OBI1: variants seen among roughly 807,000 people sequenced by gnomAD.
OBI1 encodes ring finger protein 219.
Under a neutral mutation model 62.4 loss-of-function variants are expected in OBI1, and 59 were observed. The ratio of observed to expected loss-of-function variants is 0.95; its 90% CI spans 0.77 to 1.17. OBI1 has a LOEUF of 1.17. Ranked by LOEUF, OBI1 falls within the 50% of genes most tolerant of loss-of-function variation. The probability of loss-of-function intolerance (pLI) is 0.00; values close to 1 mark genes in which losing one functional copy is unlikely to be tolerated. For synonymous variants in OBI1, 302 were observed against 292.8 expected, an observed-to-expected ratio of 1.03 and a Z score of -0.32; for missense variants, 875 against 830.9, an observed-to-expected ratio of 1.05 and a Z score of -0.65.
intron 5 of OBI1, among the ~76,000 whole-genome samples, chr13:78,623,251 T>C (rs975594535): frequency 7.1e-6 from 1 of 141,316 alleles, no homozygotes; most frequent in Non-Finnish European, 1.5e-5. Context: ...TTAAATGAGA[T>C]ATACTGAAAG....
intron 5 of OBI1, among the ~76,000 whole-genome samples, chr13:78,630,966 A>G (rs7324337): frequency 0.37 from 56,080 of 152,010 alleles, 10,707 homozygotes; most frequent in African/African-American, 0.39. Flanking sequence ...CCTCTAAAAT[A>G]TCTTTCAACA....
chr13:78,659,141 C>G lies in OBI1; in HGVS notation c.-21G>C, dbSNP rs752449387. The G allele has an allele frequency of 1.9e-6, 3 of 1,607,452 alleles. No homozygotes were observed. In the South Asian group the frequency reaches 3.3e-5, roughly 18 times the overall value. On this transcript the variant is annotated 5_prime_UTR_variant, in exon 1 of 6. Transcript: ENST00000282003. ...GCCATGGCAGCGTTCAGAATCCCGC[C>G]AACACGGAAGTCCCGCCGACCTACC...
In OBI1 at chr13:78,616,911, C is replaced by T. The variant is rs754165917; in HGVS notation, c.850G>A (p.Gly284Ser). Residue 284 changes from glycine to serine, a missense_variant, in exon 6 of 6, where the codon GGC becomes AGC. By Grantham distance (56) the Gly-to-Ser change is moderately conservative. Coordinates refer to ENST00000282003, the MANE Select transcript of OBI1 (RefSeq NM_024546.4). The stretch of plus-strand genomic sequence containing the variant: ...TTTGACACCACATCCTCCTCACTGC[C>T]TTTGCTCCCTTTGCCATCTGCAGAA... ...ALSADGKGSK[G>S]SEEDVVSKNQ... 6.2e-7 allele frequency: 1 copy of T among 1,614,144 alleles called. No homozygotes were observed. Among genetic ancestry groups the T allele is most frequent in the Non-Finnish European group, 8.5e-7 (1 of 1,180,014 alleles).
At position 78,659,089 on chromosome 13, in the gene OBI1, G is replaced by A. The variant is rs777202971; in HGVS notation, c.32C>T (p.Ser11Leu). 8.7e-6 allele frequency: 14 copies of A among 1,612,568 alleles called. No individual in the cohort carries two copies. The highest frequency in any genetic ancestry group is 1.1e-5 in the Non-Finnish European group (13 of 1,179,706). ...GTGGCACGTGATGGGCAGAGTGAGC[G>A]ACAATGTAACATTCTGCACGGTCTG... Reference protein sequence around the residue: MAQTVQNVTLSLTLPITCHIC... With the variant: MAQTVQNVTLLLTLPITCHIC... Residue 11 changes from serine (S) to leucine (L), a missense_variant, in exon 1 of 6, where the codon TCG becomes TTG. Transcript: ENST00000282003.
intron 4 of OBI1, among the ~76,000 whole-genome samples, chr13:78,635,709 C>T (rs1339015690): frequency 6.6e-6 from 1 of 152,132 alleles, no homozygotes; most frequent in African/African-American, 2.4e-5. Flanking sequence ...AACGTTCTGG[C>T]TCACAACTTC....
intron 2 of OBI1, among the ~76,000 whole-genome samples, chr13:78,643,315 TA>T (rs907389390): frequency 6.6e-6 from 1 of 150,852 alleles, no homozygotes; most frequent in Non-Finnish European, 1.5e-5. Context: ...ATTCAGCAGG[TA>T]AAAAAAAACA....
At position 78,619,596 on chromosome 13, in the gene OBI1, T is replaced by C. The variant is rs116191491; in HGVS notation, c.639-2474A>G. ...TTTCAGTGATCAGGCCCTTCTCCCA[T>C]GCTAATAAGGGACCTGTGCTGGTTG... On this transcript the variant is annotated intron_variant, in intron 5 of 5. Transcript: ENST00000282003. 9.0e-3 allele frequency among the ~76,000 whole-genome samples: 1,371 copies of C among 152,228 alleles called. 22 individuals are homozygous for C. The highest frequency in any genetic ancestry group is 0.031 in the African/African-American group (1,271 of 41,540).
intron 1 of OBI1, among the ~76,000 whole-genome samples, chr13:78,651,286 C>T (rs1257720589): frequency 7.9e-5 from 12 of 152,170 alleles, no homozygotes; most frequent in Admixed American, 7.9e-4. Flanking sequence ...CATTTCAGTA[C>T]ATCTTTCACA....
chr13:78,644,000 G>T (rs534571945), intron 2 of OBI1, among the ~76,000 whole-genome samples: 1 of 151,924 alleles, frequency 6.6e-6, no homozygotes, highest in Non-Finnish European at 1.5e-5. Flanking sequence ...CTCTAAAAAG[G>T]CTCTTTAGAA....
intron 5 of OBI1, among the ~76,000 whole-genome samples, chr13:78,620,349 G>T (rs771862841): frequency 5.3e-5 from 8 of 152,142 alleles, no homozygotes; most frequent in Non-Finnish European, 1.0e-4. Context: ...AAGGCAAGCC[G>T]GAGGGATTTC....
Position 78,615,943 on chromosome 13 carries a change from T to A in OBI1, c.1818A>T (p.Glu606Asp). ...GGAGAAAAAAAGAAGTGGGTTTCCA[T>A]TCACTTCCATTTTCTAACTGATCAT... is the stretch of plus-strand genomic sequence containing the variant. ...LTNDQLENGSEWKPTSFFLLS... is the reference protein window; with the variant it reads ...LTNDQLENGSDWKPTSFFLLS... Residue 606 changes from glutamate (E) to aspartate (D), a missense_variant, in exon 6 of 6, where the codon GAA (glutamate) becomes GAT (aspartate). Physicochemically the swap from Glu to Asp is conservative, Grantham distance 45. Transcript: ENST00000282003. The A allele has an allele frequency of 6.2e-7, 1 of 1,613,682 alleles. No individual in the cohort carries two copies.
At chr13:78,640,028 A>C (rs943361287) in intron 3 of OBI1, among the ~76,000 whole-genome samples, 1 of 152,132 alleles carries the variant, frequency 6.6e-6, no homozygotes, top group Non-Finnish European at 1.5e-5. Context: ...AAAACAAAAC[A>C]AACAAACAAA....
chr13:78,636,341 C>T (rs1439947380), intron 4 of OBI1, among the ~76,000 whole-genome samples: 1 of 152,182 alleles, frequency 6.6e-6, no homozygotes, highest in African/African-American at 2.4e-5. Context: ...AGAAACCAAC[C>T]TCACTAACCT....
chr13:78,642,260 A>G (rs766938512), intron 2 of OBI1, 47 bp from the exon 3 acceptor site: 1 of 1,180,054 alleles, frequency 8.5e-7, no homozygotes, highest in South Asian at 1.3e-5. Flanking sequence ...CTGATTCGGG[A>G]AGAATGAAAA....
intron 1 of OBI1, among the ~76,000 whole-genome samples, chr13:78,652,580 G>C (rs1324760398): frequency 6.6e-6 from 1 of 152,140 alleles, no homozygotes; most frequent in African/African-American, 2.4e-5. Context: ...TGGTATCCTA[G>C]GGAGCGGTCC....
At chr13:78,621,464 G>A (rs1875510613) in intron 5 of OBI1, among the ~76,000 whole-genome samples, 2 of 152,204 alleles carry the variant, frequency 1.3e-5, no homozygotes. Context: ...AGCAAAGTGT[G>A]CAGCTGGGCT....
intron 4 of OBI1, 123 bp from the exon 5 acceptor site, chr13:78,635,321 G>C: frequency 1.6e-6 from 1 of 620,868 alleles, no homozygotes; most frequent in Non-Finnish European, 2.9e-6. Flanking sequence ...AGTAGAACAT[G>C]GCCTTCAGAA....
At chr13:78,650,986 T>C (rs1002616682) in intron 1 of OBI1, among the ~76,000 whole-genome samples, 4 of 152,202 alleles carry the variant, frequency 2.6e-5, no homozygotes, top group Non-Finnish European at 5.9e-5. Flanking sequence ...GCTGGTATTA[T>C]ACATTAAGTC....
intron 5 of OBI1, among the ~76,000 whole-genome samples, chr13:78,617,835 A>C (rs1296116016): frequency 1.3e-5 from 2 of 150,398 alleles, no homozygotes; most frequent in East Asian, 1.9e-4. Flanking sequence ...TATACTAGGC[A>C]AAAAAAAAAA....
Sources: allele counts gnomAD v4.1 joint callset (sites outside exome capture counted in the v4.1 genomes callset), GRCh38; gene constraint gnomAD v4.1.1; transcripts MANE v1.5; gene names NCBI Gene and HGNC (gene_info 2026-07-23, HGNC 2026-07-21).